METTL25: variants seen among roughly 807,000 people sequenced by gnomAD.
The protein encoded by METTL25 is probable methyltransferase-like protein 25.
A neutral mutation model predicts 71.6 loss-of-function variants in METTL25; 64 were observed. That is an observed-to-expected ratio of 0.89 (90% CI 0.73 to 1.10). METTL25 has a LOEUF of 1.10. Among genes scored for constraint, METTL25 ranks in the 50% least tolerant of loss-of-function variants. The pLI is 0.00. For synonymous variants in METTL25, 287 were observed against 250.3 expected (o/e 1.15, Z -1.38); for missense variants, 807 against 707.0 (o/e 1.14, Z -1.60).
chr12:82,379,419 TTTA>T (rs1393271662), intron 1 of METTL25, among the ~76,000 whole-genome samples: 3 of 152,350 alleles, frequency 2.0e-5, no homozygotes, highest in Non-Finnish European at 2.9e-5. Context: ...CAAATTTGAA[TTTA>T]TTATTCAGAA....
chr12:82,423,418 A>T (rs1204492015), intron 5 of METTL25, among the ~76,000 whole-genome samples: 1 of 152,242 alleles, frequency 6.6e-6, no homozygotes, highest in Non-Finnish European at 1.5e-5. Flanking sequence ...CTTACATGTT[A>T]GACCGAAAAC....
intron 8 of METTL25, among the ~76,000 whole-genome samples, chr12:82,452,216 A>C (rs1170339074): frequency 6.6e-6 from 1 of 152,234 alleles, no homozygotes; most frequent in African/African-American, 2.4e-5. Flanking sequence ...CTTATAAATA[A>C]GACTGCCATT....
At chr12:82,458,242 C>T (rs372940236) in intron 9 of METTL25, among the ~76,000 whole-genome samples, 5 of 152,054 alleles carry the variant, frequency 3.3e-5, no homozygotes, top group African/African-American at 1.2e-4. Context: ...CAAACATTAC[C>T]TTACTTACTT....
intron 1 of METTL25, among the ~76,000 whole-genome samples, chr12:82,382,200 A>G (rs959040695): frequency 6.6e-6 from 1 of 152,214 alleles, no homozygotes. Context: ...AGGAATGAAT[A>G]CAAAATACTT....
chr12:82,358,901 A>G, intron 1 of METTL25, 77 bp downstream of exon 1: 1 of 1,518,794 alleles, frequency 6.6e-7, no homozygotes, highest in African/African-American at 1.4e-5. Flanking sequence ...CCCCTGGTGG[A>G]AGCCAGCAGA....
intron 5 of METTL25, among the ~76,000 whole-genome samples, chr12:82,422,348 C>T (rs1888594951): frequency 1.3e-5 from 2 of 152,104 alleles, no homozygotes; most frequent in Non-Finnish European, 2.9e-5. Flanking sequence ...AATTCAACAG[C>T]CCTTCATGCT....
At chr12:82,360,814 A>G (rs1025892088) in intron 1 of METTL25, among the ~76,000 whole-genome samples, 7 of 152,168 alleles carry the variant, frequency 4.6e-5, no homozygotes, top group African/African-American at 1.7e-4. Flanking sequence ...AGACCCTCTC[A>G]GTGAGTATTA....
intron 9 of METTL25, chr12:82,459,942 A>T (rs1891753970): frequency 6.6e-6 from 1 of 152,226 alleles, no homozygotes; most frequent in Admixed American, 6.5e-5. Context: ...GGAACACTTC[A>T]GCCTCCTTGC....
chr12:82,393,714 G>C (rs986222270), intron 3 of METTL25, among the ~76,000 whole-genome samples: 2 of 151,914 alleles, frequency 1.3e-5, no homozygotes, highest in Non-Finnish European at 2.9e-5. Flanking sequence ...TAGTGGAAAG[G>C]CTTTCACTTT....
intron 9 of METTL25, chr12:82,459,890 A>G (rs892692038): frequency 6.6e-6 from 1 of 152,222 alleles, no homozygotes; most frequent in Non-Finnish European, 1.5e-5. Context: ...TCACAGTGAT[A>G]CTAATCTTTG....
chr12:82,462,178 G>T (rs555825639), intron 9 of METTL25, among the ~76,000 whole-genome samples: 1 of 152,164 alleles, frequency 6.6e-6, no homozygotes, highest in Non-Finnish European at 1.5e-5. Flanking sequence ...ACCAGGCGAT[G>T]CTTCCATTCC....
chr12:82,476,861 G>A, intron 10 of METTL25, 143 bp downstream of exon 10: 2 of 560,724 alleles, frequency 3.6e-6, no homozygotes, highest in South Asian at 5.6e-5. Flanking sequence ...CCTATTTCAG[G>A]ACTATATTAG....
At chr12:82,432,247 C>T (rs1168942402) in intron 6 of METTL25, among the ~76,000 whole-genome samples, 1 of 151,572 alleles carries the variant, frequency 6.6e-6, no homozygotes, top group Non-Finnish European at 1.5e-5. Flanking sequence ...CTAGAATTAT[C>T]TTAGAAATGT....
intron 1 of METTL25, among the ~76,000 whole-genome samples, chr12:82,361,657 C>CTGGGTGCTA (rs1337271591): frequency 5.3e-5 from 8 of 152,336 alleles, no homozygotes; most frequent in Admixed American, 1.3e-4. Flanking sequence ...AGCTGCTGTC[C>CTGGGTGCTA]TGGGTGCTAA....
intron 1 of METTL25, among the ~76,000 whole-genome samples, chr12:82,385,395 A>AT (rs1205283641): frequency 6.6e-6 from 1 of 152,040 alleles, no homozygotes; most frequent in African/African-American, 2.4e-5. Context: ...TATAGTATGG[A>AT]TTTTTTTGGT....
chr12:82,470,943 T>C (rs981535377), intron 9 of METTL25, among the ~76,000 whole-genome samples: 1 of 152,190 alleles, frequency 6.6e-6, no homozygotes, highest in African/African-American at 2.4e-5. Flanking sequence ...GAGTAAACCC[T>C]GAATAATTCA....
chr12:82,373,204 G>T lies in METTL25; in HGVS notation c.260-13599G>T, dbSNP rs529833064. Among the ~76,000 whole-genome samples the T allele has an allele frequency of 1.1e-4, 17 of 152,240 alleles. 1 individual carries two copies. Among genetic ancestry groups the T allele is most frequent in the African/African-American group, 3.4e-4 (14 of 41,542 alleles). On this transcript the variant is annotated intron_variant, in intron 1 of 11. Coordinates refer to ENST00000248306, the MANE Select transcript of METTL25 (RefSeq NM_032230.3). ...TTATGCCCCAAAAATGAAGTGGAGGGCCATACCCTGAGGGAGGGAAGGGAT... is the reference window on the plus strand; with the variant it reads ...TTATGCCCCAAAAATGAAGTGGAGGTCCATACCCTGAGGGAGGGAAGGGAT...
At chr12:82,473,907 TTGG>T (rs1892721825) in intron 9 of METTL25, among the ~76,000 whole-genome samples, 1 of 152,082 alleles carries the variant, frequency 6.6e-6, no homozygotes, top group Admixed American at 6.5e-5. Flanking sequence ...CCATATGGGC[TTGG>T]TGGAATGAAG....
In METTL25 at chr12:82,478,804, G is replaced by A. The variant is rs1019845248; in HGVS notation, c.1720-128G>A. The A allele has an allele frequency of 4.3e-6, 3 of 704,126 alleles. No homozygotes were observed. In the African/African-American group the frequency reaches 5.4e-5, roughly 13 times the overall value. The allele number at this position is 704,126 out of a possible 1,614,324, so 43.6% of individuals were successfully genotyped here. On this transcript the variant is annotated intron_variant, in intron 11 of 11. Coordinates refer to ENST00000248306, the MANE Select transcript of METTL25 (RefSeq NM_032230.3). ...GTGAATGTTAATTTTGTTTAACAAA[G>A]CATAAGAATTTTCTGTGAAACAGCT...
Sources: allele counts gnomAD v4.1 joint callset (sites outside exome capture counted in the v4.1 genomes callset), GRCh38; gene constraint gnomAD v4.1.1; transcripts MANE v1.5; gene names NCBI Gene and HGNC (gene_info 2026-07-23, HGNC 2026-07-21).